The following ABR variants were observed in gnomAD, a reference collection of about 807,000 sequenced individuals.
ABR encodes the protein active breakpoint cluster region-related protein.
In ABR, 35 loss-of-function variants were observed where a neutral mutation model predicts 107.2. The observed-to-expected ratio is 0.33, with a 90% confidence interval of 0.25 to 0.43. The LOEUF (loss-of-function observed/expected upper bound fraction) is 0.43, where lower values mean the gene tolerates loss of function less well. ABR is among the 20% of genes least tolerant of loss of function. ABR has a pLI of 1.00. For synonymous variants in ABR, 498 were observed against 462.0 expected, an observed-to-expected ratio of 1.08 and a Z score of -1.00; for missense variants, 815 against 1,115.2, an observed-to-expected ratio of 0.73 and a Z score of 3.83.
intron 1 of ABR, among the ~76,000 whole-genome samples, chr17:1,208,538 G>A (rs187497391): frequency 5.9e-5 from 9 of 152,302 alleles, no homozygotes; most frequent in African/African-American, 9.6e-5. Flanking sequence ...TGCTAACGTC[G>A]CGGTAGAGAA....
chr17:1,159,459 G>GGA (rs2041185752), intron 1 of ABR, among the ~76,000 whole-genome samples: 4 of 18,152 alleles, frequency 2.2e-4, no homozygotes, highest in South Asian at 1.9e-3. Context: ...CACACACAAG[G>GGA]GAAGTAAGAA....
intron 1 of ABR, among the ~76,000 whole-genome samples, chr17:1,163,399 AAAAG>A (rs1449988498): frequency 2.6e-5 from 4 of 152,256 alleles, no homozygotes; most frequent in Admixed American, 2.0e-4. Flanking sequence ...GGGGTGGCAC[AAAAG>A]AGAGAAGCAA....
At chr17:1,028,129 T>C (rs190872769) in intron 16 of ABR, among the ~76,000 whole-genome samples, 70 of 152,182 alleles carry the variant, frequency 4.6e-4, no homozygotes, top group Admixed American at 8.5e-4. Flanking sequence ...CTCGCTCTGT[T>C]GCCCAGGCTG....
chr17:1,102,477 G>A (rs1236880192), intron 2 of ABR, among the ~76,000 whole-genome samples: 2 of 152,222 alleles, frequency 1.3e-5, no homozygotes, highest in Non-Finnish European at 1.5e-5. Context: ...TGGCTCCCCT[G>A]AGCCACACTG....
At chr17:1,203,928 C>T (rs938188444) in intron 1 of ABR, among the ~76,000 whole-genome samples, 1 of 152,198 alleles carries the variant, frequency 6.6e-6, no homozygotes, top group Admixed American at 6.5e-5. Context: ...TTACATAAAT[C>T]CATGGCTCAA....
rs2151526904 is a variant in ABR, at chr17:1,150,109, A to AGAGGAAG, written c.62-24749_62-24743dup. The stretch of plus-strand genomic sequence containing the variant: ...TAGTCCCGGCCTGGGAGAGACACCG[A>AGAGGAAG]GAGGAAGGCCAGCTTGCCCGGTGTC... On this transcript the variant is annotated intron_variant, in intron 1 of 22. Coordinates refer to ENST00000302538, the MANE Select transcript of ABR (RefSeq NM_021962.5). The surrounding 1 kb of genome is among the most constrained non-coding windows in gnomAD (Gnocchi z 4.8). 6.6e-6 allele frequency among the ~76,000 whole-genome samples: 1 copy of AGAGGAAG among 151,878 alleles called. No individual in the cohort carries two copies. Among genetic ancestry groups the AGAGGAAG allele is most frequent in the African/African-American group, 2.4e-5 (1 of 41,430 alleles).
At chr17:1,065,669 A>C (rs2034641585) in intron 10 of ABR, among the ~76,000 whole-genome samples, 1 of 152,148 alleles carries the variant, frequency 6.6e-6, no homozygotes, top group Non-Finnish European at 1.5e-5. Context: ...AGACAGCACT[A>C]AACAGTTTGC....
Position 1,078,599 on chromosome 17 carries a change from G to A in ABR, c.700+731C>T, listed in dbSNP as rs2035934235. ...GGGGCCACCTGGACCCCTCCAGCCT[G>A]GTCCTTCCATTTGCAAGCGGCCCTG... On this transcript the variant is annotated intron_variant, in intron 6 of 22. Coordinates refer to ENST00000302538, the MANE Select transcript of ABR (RefSeq NM_021962.5). The surrounding 1 kb of genome is among the most constrained non-coding windows in gnomAD (Gnocchi z 7.5). Among the ~76,000 whole-genome samples the A allele has an allele frequency of 6.6e-6, 1 of 152,134 alleles. No homozygotes were observed. Among genetic ancestry groups the A allele is most frequent in the South Asian group, 2.1e-4 (1 of 4,834 alleles).
chr17:1,035,113 C>G (rs948876009), intron 16 of ABR, among the ~76,000 whole-genome samples: 1 of 151,846 alleles, frequency 6.6e-6, no homozygotes, highest in African/African-American at 2.4e-5. Flanking sequence ...GCAGACTTGC[C>G]TTCTCTCCCC....
intron 1 of ABR, among the ~76,000 whole-genome samples, chr17:1,138,687 C>A (rs982102514): frequency 3.9e-5 from 6 of 151,986 alleles, no homozygotes; most frequent in African/African-American, 1.5e-4. Flanking sequence ...CTATGTGGGC[C>A]GGGCTGGTCT....
At chr17:1,191,027 C>T (rs116406141), upstream of ABR, among the ~76,000 whole-genome samples, 1,405 of 152,304 alleles carry the variant, frequency 9.2e-3, 18 homozygotes, top group African/African-American at 0.021. Flanking sequence ...CTGCAGATTG[C>T]GCTGGGCCAT....
chr17:1,023,427 C>A (rs577841281), intron 16 of ABR, among the ~76,000 whole-genome samples: 4 of 152,372 alleles, frequency 2.6e-5, no homozygotes, highest in African/African-American at 9.6e-5. Flanking sequence ...AGCTTCAGCT[C>A]AGAACTGGGC....
chr17:1,026,918 TG>T (rs2072243878), intron 16 of ABR, among the ~76,000 whole-genome samples: 1 of 151,328 alleles, frequency 6.6e-6, no homozygotes, highest in South Asian at 2.1e-4. Context: ...CCTGCAGGCT[TG>T]GGGGCGCTTC....
chr17:1,165,683 C>A (rs369711439), intron 1 of ABR, among the ~76,000 whole-genome samples: 98 of 152,292 alleles, frequency 6.4e-4, no homozygotes, highest in African/African-American at 2.3e-3. Flanking sequence ...AGGCATCCAC[C>A]ACCACGCCCA....
chr17:1,166,273 G>A (rs773674114), intron 1 of ABR, among the ~76,000 whole-genome samples: 4 of 152,020 alleles, frequency 2.6e-5, no homozygotes, highest in African/African-American at 7.2e-5. Context: ...GGCAGGCTGC[G>A]GCCCCATGCA....
At chr17:1,066,628 A>G (rs1159855524) in intron 10 of ABR, among the ~76,000 whole-genome samples, 2 of 151,656 alleles carry the variant, frequency 1.3e-5, no homozygotes, top group African/African-American at 2.4e-5. Context: ...TCCCGGGTTC[A>G]AGCCATTCTA....
intron 1 of ABR, among the ~76,000 whole-genome samples, chr17:1,128,448 G>A (rs917309694): frequency 2.6e-5 from 4 of 152,244 alleles, no homozygotes; most frequent in African/African-American, 7.2e-5. Context: ...TATTCGGAGC[G>A]GCAGTGCACC....
At chr17:1,008,035 G>A (rs1450193392) in intron 21 of ABR, among the ~76,000 whole-genome samples, 2 of 152,122 alleles carry the variant, frequency 1.3e-5, no homozygotes, top group Non-Finnish European at 2.9e-5. Context: ...GCTTCCTCTT[G>A]TGCCTCTCCG....
chr17:1,025,721 ACT>A lies in ABR; in HGVS notation c.1792-12559_1792-12558del, dbSNP rs534528365. Among the ~76,000 whole-genome samples the A allele has an allele frequency of 1.5e-4, 22 of 151,662 alleles. No individual in the cohort carries two copies. In the South Asian group the frequency reaches 4.2e-3, roughly 29 times the overall value. On this transcript the variant is annotated intron_variant, in intron 16 of 22. Transcript: ENST00000302538. The stretch of plus-strand genomic sequence containing the variant: ...CTCTCAAGCCAGGCATCCCCCCGTC[ACT>A]CTCTACTGCGTTACCCAGTTGTGTT...
Sources: gnomAD v4.1 joint callset for allele counts (sites outside exome capture counted in the v4.1 genomes callset) on GRCh38, gnomAD v4.1.1 for gene constraint, Gnocchi (gnomAD v3.1) non-coding constraint, MANE v1.5 for transcripts, NCBI Gene and HGNC (gene_info 2026-07-23, HGNC 2026-07-21) for gene names.